Variants in NR2F1-AS1 observed in about 807,000 individuals in gnomAD.
The protein encoded by NR2F1-AS1 is NR2F1 regulatory antisense RNA 1.
At chr5:93,522,754 C>G (rs1751529311) in intron 4 of NR2F1-AS1, among the ~76,000 whole-genome samples, 1 of 150,580 alleles carries the variant, frequency 6.6e-6, no homozygotes, top group Non-Finnish European at 1.5e-5. Context: ...TCAGGGAACT[C>G]CCTCCCCTAG....
intron 2 of NR2F1-AS1, among the ~76,000 whole-genome samples, chr5:93,558,780 G>A (rs988612225): frequency 6.6e-6 from 1 of 152,200 alleles, no homozygotes; most frequent in Non-Finnish European, 1.5e-5. Context: ...CTGTCAAGGA[G>A]CTGTAATAGT....
chr5:93,471,750 A>T (rs1261324714), intron 4 of NR2F1-AS1, among the ~76,000 whole-genome samples: 1 of 151,922 alleles, frequency 6.6e-6, no homozygotes, highest in Non-Finnish European at 1.5e-5. Context: ...ACTGTTGGTC[A>T]TAAGTTGATG....
chr5:93,427,204 A>G (rs1749213506), intron 4 of NR2F1-AS1, among the ~76,000 whole-genome samples: 1 of 152,244 alleles, frequency 6.6e-6, no homozygotes, highest in Non-Finnish European at 1.5e-5. Flanking sequence ...AAAGAACACT[A>G]CAAAACACAC....
intron 4 of NR2F1-AS1, among the ~76,000 whole-genome samples, chr5:93,470,648 A>G (rs1254366264): frequency 6.6e-6 from 1 of 151,870 alleles, no homozygotes; most frequent in East Asian, 1.9e-4. Flanking sequence ...GTAAGTGGAT[A>G]TATCACTCCT....
At chr5:93,460,729 A>T (rs1750069920) in intron 4 of NR2F1-AS1, among the ~76,000 whole-genome samples, 1 of 152,216 alleles carries the variant, frequency 6.6e-6, no homozygotes, top group African/African-American at 2.4e-5. Context: ...ACATGAAAAA[A>T]AAATGTTCAA....
chr5:93,441,674 T>C (rs932791265), intron 4 of NR2F1-AS1, among the ~76,000 whole-genome samples: 2 of 152,238 alleles, frequency 1.3e-5, no homozygotes, highest in African/African-American at 4.8e-5. Context: ...AGAATAAGTA[T>C]AACATCACTG....
chr5:93,502,208 C>T (rs1751094950), intron 4 of NR2F1-AS1, among the ~76,000 whole-genome samples: 1 of 152,146 alleles, frequency 6.6e-6, no homozygotes, highest in African/African-American at 2.4e-5. Flanking sequence ...CTCACTTTAT[C>T]GCAATATCCA....
rs550085974 is a variant in NR2F1-AS1, at chr5:93,551,056, T to C, written n.638+2705A>G. ...TCAGCAGCACAAATTAAATCACACA[T>C]ATTTACTTAGAAGTTTTTGACTACT... On this transcript the variant is annotated intron_variant and non_coding_transcript_variant, in intron 4 of 5. Coordinates refer to ENST00000660523, the Ensembl canonical transcript of NR2F1-AS1. Among the ~76,000 whole-genome samples, 4 of 152,128 alleles carry C rather than the reference T, an allele frequency of 2.6e-5. No homozygotes were observed. In the South Asian group the frequency reaches 8.3e-4, roughly 32 times the overall value.
chr5:93,490,693 T>C (rs1330951257), intron 4 of NR2F1-AS1, among the ~76,000 whole-genome samples: 1 of 150,186 alleles, frequency 6.7e-6, no homozygotes. Flanking sequence ...GTGGTGCTGG[T>C]GGTAGTGATA....
chr5:93,582,012 T>C (rs1753103882), upstream of NR2F1-AS1, among the ~76,000 whole-genome samples: 1 of 134,616 alleles, frequency 7.4e-6, no homozygotes, highest in Non-Finnish European at 1.6e-5. Flanking sequence ...CTTCTCTCTC[T>C]CTCTCTCTCA....
intron 4 of NR2F1-AS1, among the ~76,000 whole-genome samples, chr5:93,470,211 T>C (rs1750337518): frequency 1.3e-5 from 2 of 151,998 alleles, no homozygotes; most frequent in Non-Finnish European, 2.9e-5. Context: ...GGGTACCTAA[T>C]ATACTTAGAA....
In NR2F1-AS1 at chr5:93,453,313, C is replaced by T. The variant is rs561933639; in HGVS notation, n.639-57771G>A. Among the ~76,000 whole-genome samples the T allele has an allele frequency of 4.0e-5, 6 of 151,834 alleles. No homozygotes were observed. The South Asian group carries it at 1.0e-3, about 26-fold the overall frequency. On this transcript the variant is annotated intron_variant and non_coding_transcript_variant, in intron 4 of 5. Transcript: ENST00000660523. Reference sequence around the variant, plus strand: ...CCCAAAATAGTCTCAGGTACCTGTACGACCATATCATGCAGACTAATATAT... The same window carrying T: ...CCCAAAATAGTCTCAGGTACCTGTATGACCATATCATGCAGACTAATATAT...
chr5:93,415,696 A>G (rs1748953615), intron 4 of NR2F1-AS1, among the ~76,000 whole-genome samples: 1 of 152,216 alleles, frequency 6.6e-6, no homozygotes, highest in African/African-American at 2.4e-5. Flanking sequence ...CCCCAAGAGT[A>G]CTGGTTCTGT....
chr5:93,555,293 G>T (rs1003623908), intron 2 of NR2F1-AS1, among the ~76,000 whole-genome samples: 1 of 152,148 alleles, frequency 6.6e-6, no homozygotes, highest in Non-Finnish European at 1.5e-5. Flanking sequence ...AAGTTTTATA[G>T]AAAGTACTAC....
chr5:93,433,207 T>C (rs1262588031), intron 4 of NR2F1-AS1, among the ~76,000 whole-genome samples: 1 of 152,224 alleles, frequency 6.6e-6, no homozygotes, highest in Non-Finnish European at 1.5e-5. Context: ...ATTTCGCACA[T>C]GAATTAGGTC....
chr5:93,430,860 T>TCA, intron 4 of NR2F1-AS1, among the ~76,000 whole-genome samples: 1 of 150,946 alleles, frequency 6.6e-6, no homozygotes, highest in African/African-American at 2.5e-5. Context: ...CTCCCTTGCT[T>TCA]TATCATCATC....
intron 4 of NR2F1-AS1, among the ~76,000 whole-genome samples, chr5:93,467,546 C>T (rs556890432): frequency 1.1e-4 from 16 of 152,320 alleles, no homozygotes; most frequent in African/African-American, 3.4e-4. Flanking sequence ...CAACTACTGC[C>T]ATCAAAATGT....
At position 93,579,965 on chromosome 5, in the gene NR2F1-AS1, G is replaced by C. The variant is rs1580351763; in HGVS notation, n.313+502C>G. 6.6e-6 allele frequency among the ~76,000 whole-genome samples: 1 copy of C among 152,216 alleles called. No homozygotes were observed. The highest frequency in any genetic ancestry group is 1.9e-4 in the East Asian group (1 of 5,184). On this transcript the variant is annotated intron_variant and non_coding_transcript_variant, in intron 1 of 5. Coordinates refer to ENST00000660523, the Ensembl canonical transcript of NR2F1-AS1. This position sits in a 1 kb window ranked among gnomAD's most constrained non-coding sequence, Gnocchi z 5.1. ...ATTAGGGGATGGCGTTACAAACGGC[G>C]TCCGCAGGTGGGCGGCTGCAGCCAA...
chr5:93,538,439 C>A (rs933002087), intron 4 of NR2F1-AS1, among the ~76,000 whole-genome samples: 1 of 152,138 alleles, frequency 6.6e-6, no homozygotes, highest in Non-Finnish European at 1.5e-5. Context: ...TGCGCCACTG[C>A]ACTCCAACCT....
Sources: allele counts gnomAD v4.1 joint callset (sites outside exome capture counted in the v4.1 genomes callset), GRCh38; gene constraint gnomAD v4.1.1; non-coding constraint Gnocchi (gnomAD v3.1); transcripts MANE v1.5; gene names NCBI Gene and HGNC (gene_info 2026-07-23, HGNC 2026-07-21).